GALNT7: variants seen among roughly 807,000 people sequenced by gnomAD.
GALNT7 encodes N-acetylgalactosaminyltransferase 7.
A neutral mutation model predicts 82.1 loss-of-function variants in GALNT7; 60 were observed. That is an observed-to-expected ratio of 0.73 (90% CI 0.59 to 0.91). GALNT7 has a LOEUF of 0.91. GALNT7 is among the 40% of genes least tolerant of loss of function. GALNT7 has a pLI of 0.00. For missense variants in GALNT7, 660 were observed against 804.2 expected (o/e 0.82, Z 2.17); for synonymous variants, 243 against 275.1 (o/e 0.88, Z 1.15).
Position 173,317,624 on chromosome 4 carries a change from A to AT in GALNT7, c.1609-3dup. On this transcript the variant is annotated splice_polypyrimidine_tract_variant and intron_variant, in intron 9 of 11. Transcript: ENST00000265000. ...TTGCCTGCTTTTTGCGTCTTTATTC[A>AT]TTTTTTTAGATCAGAGGCTTCGAAA... 2 of 1,565,992 alleles carry AT rather than the reference A, an allele frequency of 1.3e-6. No homozygotes were observed. The highest frequency in any genetic ancestry group is 1.8e-6 in the Non-Finnish European group (2 of 1,137,576).
intron 1 of GALNT7, among the ~76,000 whole-genome samples, chr4:173,186,485 A>C (rs1732465089): frequency 1.3e-5 from 2 of 152,182 alleles, no homozygotes; most frequent in Non-Finnish European, 2.9e-5. Context: ...AGATACGTTT[A>C]TCAGAGCTTC....
At chr4:173,198,281 G>A (rs556399795) in intron 1 of GALNT7, among the ~76,000 whole-genome samples, 2 of 149,272 alleles carry the variant, frequency 1.3e-5, no homozygotes, top group East Asian at 4.0e-4. Context: ...TGTTAGCCAG[G>A]ATAGTCTCGA....
At position 173,321,729 on chromosome 4, in the gene GALNT7, T is replaced by C. The variant is rs779436570; in HGVS notation, c.*12T>C. Reference sequence around the variant, plus strand: ...TCCATAGTGTTTAGAGAGAAAAAAATAAACCAATAACCTACCTACTGACAA... The same window carrying C: ...TCCATAGTGTTTAGAGAGAAAAAAACAAACCAATAACCTACCTACTGACAA... On this transcript the variant is annotated 3_prime_UTR_variant, in exon 12 of 12. Transcript: ENST00000265000. 6.3e-7 allele frequency: 1 copy of C among 1,589,588 alleles called. No individual in the cohort carries two copies. The highest frequency in any genetic ancestry group is 8.6e-7 in the Non-Finnish European group (1 of 1,159,250).
intron 1 of GALNT7, among the ~76,000 whole-genome samples, chr4:173,246,513 TA>T (rs1734640506): frequency 6.6e-6 from 1 of 152,222 alleles, no homozygotes; most frequent in African/African-American, 2.4e-5. Context: ...TGCTTTTCAC[TA>T]CATGCCCTTT....
intron 2 of GALNT7, chr4:173,268,069 T>C (rs1178201641): frequency 6.5e-6 from 1 of 154,926 alleles, no homozygotes; most frequent in Non-Finnish European, 1.5e-5. Context: ...AAAGAAGTTC[T>C]TAAGGTCAAC....
At position 173,182,689 on chromosome 4, in the gene GALNT7, C is replaced by T. The variant is rs964660782; in HGVS notation, c.126+13728C>T. Among the ~76,000 whole-genome samples, 19 of 147,718 alleles carry T rather than the reference C, an allele frequency of 1.3e-4. No homozygotes were observed. In the East Asian group the frequency reaches 3.2e-3, roughly 25 times the overall value. ...ACACACACACACACACACACACACA[C>T]ACACACAGCGTGTTGCCCCGAATGA... On this transcript the variant is annotated intron_variant, in intron 1 of 11. Coordinates refer to ENST00000265000, the MANE Select transcript of GALNT7 (RefSeq NM_017423.3).
chr4:173,226,656 G>A (rs999739242), intron 1 of GALNT7, among the ~76,000 whole-genome samples: 4 of 152,172 alleles, frequency 2.6e-5, no homozygotes, highest in Non-Finnish European at 5.9e-5. Flanking sequence ...TCTGTCTTCT[G>A]TGTGAACTTG....
chr4:173,289,441 G>A (rs1736458722), intron 2 of GALNT7, among the ~76,000 whole-genome samples: 1 of 152,208 alleles, frequency 6.6e-6, no homozygotes, highest in African/African-American at 2.4e-5. Flanking sequence ...CTCCACAGCA[G>A]AGAGGGGAGT....
chr4:173,314,209 G>GTC, intron 9 of GALNT7, 33 bp downstream of exon 9: 1 of 1,351,402 alleles, frequency 7.4e-7, no homozygotes, highest in African/African-American at 1.4e-5. Flanking sequence ...GTATGTGTTT[G>GTC]TAGACTGAGT....
At chr4:173,304,525 T>C (rs1022669124) in intron 8 of GALNT7, among the ~76,000 whole-genome samples, 36 of 152,176 alleles carry the variant, frequency 2.4e-4, no homozygotes, top group African/African-American at 7.5e-4. Context: ...TATTTGGACA[T>C]GTATTACGTC....
At chr4:173,263,983 C>T (rs959513469) in intron 2 of GALNT7, among the ~76,000 whole-genome samples, 5 of 152,112 alleles carry the variant, frequency 3.3e-5, no homozygotes, top group Admixed American at 6.6e-5. Flanking sequence ...AGCTATTCCA[C>T]GCAAAGCCTT....
At chr4:173,239,262 T>G (rs1039286232) in intron 1 of GALNT7, among the ~76,000 whole-genome samples, 7 of 152,152 alleles carry the variant, frequency 4.6e-5, no homozygotes, top group Admixed American at 1.3e-4. Context: ...AATGCTAGCT[T>G]AAACCAAGCC....
intron 1 of GALNT7, among the ~76,000 whole-genome samples, chr4:173,209,223 T>C (rs562023749): frequency 4.0e-4 from 61 of 152,346 alleles, no homozygotes; most frequent in Non-Finnish European, 5.6e-4. Flanking sequence ...ACATCATTGT[T>C]CTTTATCAAA....
At chr4:173,258,365 G>C (rs1041247776) in intron 2 of GALNT7, among the ~76,000 whole-genome samples, 4 of 152,186 alleles carry the variant, frequency 2.6e-5, no homozygotes, top group Admixed American at 2.6e-4. Flanking sequence ...AAAGGGTTCA[G>C]CCCTAGTGTA....
At chr4:173,314,329 T>C (rs11726679) in intron 9 of GALNT7, among the ~76,000 whole-genome samples, 153 bp downstream of exon 9, 14,389 of 152,194 alleles carry the variant, frequency 0.095, 767 homozygotes, top group African/African-American at 0.13. Context: ...TAAACAGCTA[T>C]AGCTGCCAGA....
rs563102408 is a variant in GALNT7, at chr4:173,178,052, T to TGTGTGCGTGCGCGC, written c.126+9092_126+9093insTGTGCGTGCGCGCG. On this transcript the variant is annotated intron_variant, in intron 1 of 11. Transcript: ENST00000265000. ...GTGTGTGTGTGTGTGTGTGTGTGTG[T>TGTGTGCGTGCGCGC]GCGCGCACGCGCGTGCGCACAGACA... Among the ~76,000 whole-genome samples, 15 of 129,520 alleles carry TGTGTGCGTGCGCGC rather than the reference T, an allele frequency of 1.2e-4. No homozygotes were observed. In the South Asian group the frequency reaches 3.1e-3, roughly 27 times the overall value. 85.0% of individuals were successfully genotyped at this position (129,520 alleles called of 152,430 possible). A position where few individuals can be genotyped will look rare whatever the true frequency, so the allele number is the denominator to read the frequency against.
intron 1 of GALNT7, among the ~76,000 whole-genome samples, chr4:173,191,850 CTACT>C (rs768164736): frequency 2.0e-5 from 3 of 152,120 alleles, no homozygotes; most frequent in Non-Finnish European, 2.9e-5. Context: ...CATCGAAAAA[CTACT>C]TAGTGGATTT....
Position 173,323,443 on chromosome 4 carries a change from T to C in GALNT7, c.*1726T>C, listed in dbSNP as rs1737894333. The C allele has an allele frequency of 6.6e-6, 1 of 152,578 alleles. No homozygotes were observed. Among genetic ancestry groups the C allele is most frequent in the African/African-American group, 2.4e-5 (1 of 41,460 alleles). The allele number at this position is 152,578 out of a possible 1,614,324, so 9.5% of individuals were successfully genotyped here. A position where few individuals can be genotyped will look rare whatever the true frequency, so the allele number is the denominator to read the frequency against. On this transcript the variant is annotated 3_prime_UTR_variant, in exon 12 of 12. Transcript: ENST00000265000. ...CTCTAGGGATGTTTAACATTTATAA[T>C]TGCAAAATAAACCAACTATAAAAAA...
At chr4:173,192,102 G>A (rs1014294370) in intron 1 of GALNT7, among the ~76,000 whole-genome samples, 30 of 152,314 alleles carry the variant, frequency 2.0e-4, no homozygotes, top group African/African-American at 7.2e-4. Flanking sequence ...TGAGGGAGAA[G>A]TGTGTGGAGA....
Sources: allele counts gnomAD v4.1 joint callset (sites outside exome capture counted in the v4.1 genomes callset), GRCh38; gene constraint gnomAD v4.1.1; transcripts MANE v1.5; gene names NCBI Gene and HGNC (gene_info 2026-07-23, HGNC 2026-07-21).